The following PLRG1 variants were observed in gnomAD, a reference collection of about 807,000 sequenced individuals.
The protein encoded by PLRG1 is pleiotropic regulator 1 (PRL1 homolog, Arabidopsis).
PLRG1 carries 28 observed loss-of-function variants against 74.9 expected under a neutral mutation model. The ratio of observed to expected loss-of-function variants is 0.37; its 90% CI spans 0.28 to 0.51. The LOEUF is 0.51. PLRG1 is among the 20% of genes least tolerant of loss of function. PLRG1 has a pLI of 0.91. For missense variants in PLRG1, 445 were observed against 631.9 expected (o/e 0.70, Z 3.17); for synonymous variants, 197 against 212.4 (o/e 0.93, Z 0.63).
chr4:154,546,014 G>T, intron 5 of PLRG1, 91 bp from the exon 6 acceptor site: 1 of 1,098,974 alleles, frequency 9.1e-7, no homozygotes, highest in Non-Finnish European at 1.3e-6. Context: ...TTGTTATAAA[G>T]TCCTGATAAA....
At chr4:154,546,813 G>T (rs1729663909) in intron 4 of PLRG1, 198 bp downstream of exon 4, 1 of 571,354 alleles carries the variant, frequency 1.8e-6, no homozygotes. Context: ...CACATTGCCT[G>T]AAAAATTATA....
chr4:154,548,247 A>G (rs1729694937), intron 2 of PLRG1, among the ~76,000 whole-genome samples: 1 of 152,242 alleles, frequency 6.6e-6, no homozygotes, highest in Non-Finnish European at 1.5e-5. Flanking sequence ...GGTTAGTTAG[A>G]ACTAATCAAA....
intron 1 of PLRG1, chr4:154,549,581 A>G: frequency 2.4e-6 from 1 of 423,406 alleles, no homozygotes; most frequent in Non-Finnish European, 4.7e-6. Flanking sequence ...AAGGTCTTTT[A>G]GACTATTACA....
intron 2 of PLRG1, among the ~76,000 whole-genome samples, 179 bp from the exon 3 acceptor site, chr4:154,548,032 C>T (rs1729691339): frequency 6.6e-6 from 1 of 152,074 alleles, no homozygotes; most frequent in South Asian, 2.1e-4. Flanking sequence ...TACATTCGAC[C>T]ACACAGCATT....
chr4:154,543,420 A>T (rs1406964513), intron 7 of PLRG1, among the ~76,000 whole-genome samples: 1 of 152,152 alleles, frequency 6.6e-6, no homozygotes, highest in Admixed American at 6.5e-5. Flanking sequence ...AAGCACTGGG[A>T]TTATAGGCAT....
chr4:154,539,948 T>C lies in PLRG1; in HGVS notation c.1042+3A>G, dbSNP rs1560806456. On this transcript the variant is annotated splice_donor_region_variant and intron_variant, in intron 11 of 14. Transcript: ENST00000499023. ...CTGTAAACTTGAAAAGTATCGATCA[T>C]ACCTGTAATAATTTGTGGTTCTGCA... 3.0e-6 allele frequency: 4 copies of C among 1,353,816 alleles called. No individual in the cohort carries two copies. The highest frequency in any genetic ancestry group is 2.3e-5 in the South Asian group (2 of 85,930). The allele number at this position is 1,353,816 out of a possible 1,614,324, so 83.9% of individuals were successfully genotyped here.
rs1729509161 is a variant in PLRG1, at chr4:154,539,216, G to A, written c.1043-3C>T. 5 of 1,543,728 alleles carry A rather than the reference G, an allele frequency of 3.2e-6. No individual in the cohort carries two copies. Among genetic ancestry groups the A allele is most frequent in the Admixed American group, 3.3e-5 (2 of 59,852 alleles). Reference sequence around the variant, plus strand: ...TCGAATTGTAGTATCATGGCTTCCTGTAATGGAAACACATATATCCCTCAA... The same window carrying A: ...TCGAATTGTAGTATCATGGCTTCCTATAATGGAAACACATATATCCCTCAA... On this transcript the variant is annotated splice_region_variant and splice_polypyrimidine_tract_variant and intron_variant, in intron 11 of 14. Coordinates refer to ENST00000499023, the MANE Select transcript of PLRG1 (RefSeq NM_002669.4).
In PLRG1 at chr4:154,536,541, T is replaced by C; in HGVS notation, c.*144A>G. On this transcript the variant is annotated 3_prime_UTR_variant, in exon 15 of 15. Coordinates refer to ENST00000499023, the MANE Select transcript of PLRG1 (RefSeq NM_002669.4). The stretch of plus-strand genomic sequence containing the variant: ...ACAGGGGACAGTTTATTGTAAAATA[T>C]GAAGCAGCAATGATTGAAGCAAGTG... 5 of 635,002 alleles carry C rather than the reference T, an allele frequency of 7.9e-6. No individual in the cohort carries two copies. Among genetic ancestry groups the C allele is most frequent in the Non-Finnish European group, 8.4e-6 (3 of 357,832 alleles). The allele number at this position is 635,002 out of a possible 1,614,324, so 39.3% of individuals were successfully genotyped here. A position where few individuals can be genotyped will look rare whatever the true frequency, so the allele number is the denominator to read the frequency against.
At chr4:154,545,387 G>T (rs1447565079) in intron 6 of PLRG1, among the ~76,000 whole-genome samples, 1 of 151,910 alleles carries the variant, frequency 6.6e-6, no homozygotes, top group East Asian at 1.9e-4. Context: ...ACTAATACCA[G>T]TTGCCATTTA....
At position 154,538,191 on chromosome 4, in the gene PLRG1, T is replaced by C. The variant is rs1036010760; in HGVS notation, c.1152-83A>G. 1.6e-5 allele frequency: 10 copies of C among 630,420 alleles called. No homozygotes were observed. The Admixed American group carries it at 2.7e-4, about 17-fold the overall frequency. 39.1% of individuals were successfully genotyped at this position (630,420 alleles called of 1,614,324 possible). A position where few individuals can be genotyped will look rare whatever the true frequency, so the allele number is the denominator to read the frequency against. ...GGTTTTAAAAAGTTTATTTCAGTTA[T>C]ATTTTGCAGTGTGTACTCAATGATT... On this transcript the variant is annotated intron_variant, in intron 12 of 14. Coordinates refer to ENST00000499023, the MANE Select transcript of PLRG1 (RefSeq NM_002669.4).
At chr4:154,540,165 T>A in intron 10 of PLRG1, 112 bp from the exon 11 acceptor site, 1 of 664,238 alleles carries the variant, frequency 1.5e-6, no homozygotes. Flanking sequence ...TGCCTGAATA[T>A]AATAAAGAAA....
Position 154,548,945 on chromosome 4 carries a change from A to AG in PLRG1, c.10-11_10-10insC. The AG allele has an allele frequency of 6.8e-7, 1 of 1,472,622 alleles. No homozygotes were observed. The highest frequency in any genetic ancestry group is 9.5e-7 in the Non-Finnish European group (1 of 1,051,330). 91.2% of individuals were successfully genotyped at this position (1,472,622 alleles called of 1,614,324 possible). A position where few individuals can be genotyped will look rare whatever the true frequency, so the allele number is the denominator to read the frequency against. On this transcript the variant is annotated splice_polypyrimidine_tract_variant and intron_variant, in intron 1 of 14. Transcript: ENST00000499023. ...AATGTTTCTGTACCTCCTAAAAAAA[A>AG]AGAATGTAATTACACACCTATCTAC...
intron 2 of PLRG1, 60 bp from the exon 3 acceptor site, chr4:154,547,913 C>T (rs1729688933): frequency 1.6e-6 from 2 of 1,279,992 alleles, no homozygotes; most frequent in South Asian, 1.4e-5. Context: ...AAACACTTAG[C>T]TTAAGTTTGC....
chr4:154,540,532 G>C (rs117710132), intron 10 of PLRG1, 62 bp downstream of exon 10: 2 of 1,091,996 alleles, frequency 1.8e-6, no homozygotes, highest in Non-Finnish European at 2.8e-6. Flanking sequence ...CACTGAAACC[G>C]AAAGTGCACC....
chr4:154,549,771 G>A, intron 1 of PLRG1: 2 of 456,536 alleles, frequency 4.4e-6, no homozygotes, highest in South Asian at 3.1e-5. Context: ...AATTAAGGTG[G>A]ACTGCAGCGG....
At chr4:154,546,044 T>TTATATATA (rs1578770837) in intron 5 of PLRG1, 79 bp downstream of exon 5, 1 of 1,100,908 alleles carries the variant, frequency 9.1e-7, no homozygotes, top group Non-Finnish European at 1.3e-6. Context: ...CATATAATAG[T>TTATATATA]TATAAAGAAA....
At chr4:154,540,337 A>T in intron 10 of PLRG1, 1 of 582,062 alleles carries the variant, frequency 1.7e-6, no homozygotes, top group Non-Finnish European at 3.0e-6. Flanking sequence ...ACTAATGGAC[A>T]ATAGTTGTTA....
intron 12 of PLRG1, among the ~76,000 whole-genome samples, chr4:154,538,599 G>A (rs895780459): frequency 4.0e-5 from 6 of 151,826 alleles, no homozygotes; most frequent in Admixed American, 6.6e-5. Flanking sequence ...ACAGAGAAGA[G>A]GAAAGGAAGG....
chr4:154,539,819 T>C, intron 11 of PLRG1, 132 bp downstream of exon 11: 1 of 664,224 alleles, frequency 1.5e-6, no homozygotes, highest in South Asian at 1.7e-5. Context: ...CAATTGTCCA[T>C]GATTAAAATA....
Sources: gnomAD v4.1 joint callset for allele counts (sites outside exome capture counted in the v4.1 genomes callset) on GRCh38, gnomAD v4.1.1 for gene constraint, MANE v1.5 for transcripts, NCBI Gene and HGNC (gene_info 2026-07-23, HGNC 2026-07-21) for gene names.